Variants in ABCC12 observed in about 807,000 individuals in gnomAD.
The protein encoded by ABCC12 is ATP binding cassette subfamily C member 12, also known as ATP-binding cassette sub-family C member 12.
In ABCC12, 142 loss-of-function variants were observed where a neutral mutation model predicts 151.1. The ratio of observed to expected loss-of-function variants is 0.94; its 90% CI spans 0.82 to 1.08. The LOEUF (loss-of-function observed/expected upper bound fraction) is 1.08. Among genes scored for constraint, ABCC12 ranks in the 50% least tolerant of loss-of-function variants. The probability of loss-of-function intolerance (pLI) is 0.00; values close to 1 mark genes in which losing one functional copy is unlikely to be tolerated. For missense variants in ABCC12, 1,638 were observed against 1,691.1 expected (o/e 0.97, Z 0.55); for synonymous variants, 645 against 646.4 (o/e 1.00, Z 0.03).
chr16:48,137,566 G>A (rs1964652683), intron 8 of ABCC12, among the ~76,000 whole-genome samples: 2 of 152,180 alleles, frequency 1.3e-5, no homozygotes, highest in Non-Finnish European at 2.9e-5. Flanking sequence ...CTAGAGGGCA[G>A]ATACACAGCT....
intron 18 of ABCC12, among the ~76,000 whole-genome samples, chr16:48,110,351 T>TA (rs568494242): frequency 1.4e-4 from 21 of 152,170 alleles, no homozygotes; most frequent in Non-Finnish European, 2.8e-4. Context: ...AAAATGGTGG[T>TA]AGCCTTTAAA....
chr16:48,094,717 C>G (rs1963031439), intron 24 of ABCC12, among the ~76,000 whole-genome samples: 1 of 152,154 alleles, frequency 6.6e-6, no homozygotes, highest in African/African-American at 2.4e-5. Flanking sequence ...TCTGAATAGT[C>G]CCCTGCATAA....
chr16:48,088,430 A>G, intron 26 of ABCC12, 115 bp downstream of exon 26: 1 of 1,233,114 alleles, frequency 8.1e-7, no homozygotes, highest in African/African-American at 1.5e-5. Flanking sequence ...TTTGAGGGAA[A>G]TAACAGCCAA....
intron 8 of ABCC12, among the ~76,000 whole-genome samples, chr16:48,137,775 A>G (rs945587001): frequency 5.9e-5 from 9 of 152,240 alleles, no homozygotes; most frequent in Non-Finnish European, 8.8e-5. Context: ...CTACATATGC[A>G]TCTCCTCGTG....
chr16:48,138,169 C>T, intron 8 of ABCC12, 59 bp downstream of exon 8: 6 of 1,536,668 alleles, frequency 3.9e-6, no homozygotes. Flanking sequence ...CGTAAGAACC[C>T]CTTAGAAGAG....
chr16:48,140,995 C>T, intron 5 of ABCC12, 75 bp from the exon 6 acceptor site: 1 of 1,467,930 alleles, frequency 6.8e-7, no homozygotes, highest in African/African-American at 1.4e-5. Flanking sequence ...CAGATCATGC[C>T]AGCAAGCTGA....
intron 25 of ABCC12, among the ~76,000 whole-genome samples, chr16:48,089,982 CATT>C (rs1387136980): frequency 4.6e-5 from 7 of 151,264 alleles, no homozygotes; most frequent in African/African-American, 9.9e-5. Context: ...TAAATCAGAT[CATT>C]GAGGTACTTA....
At chr16:48,086,677 G>T in intron 28 of ABCC12, 64 bp downstream of exon 28, 2 of 1,434,766 alleles carry the variant, frequency 1.4e-6, no homozygotes, top group Non-Finnish European at 2.0e-6. Flanking sequence ...TTTAAACATA[G>T]GCCAGGAATC....
At chr16:48,119,259 G>A (rs1375509280) in intron 13 of ABCC12, among the ~76,000 whole-genome samples, 2 of 152,324 alleles carry the variant, frequency 1.3e-5, no homozygotes, top group East Asian at 3.9e-4. Flanking sequence ...TCCGAGCACG[G>A]TCTACTGCCA....
In ABCC12 at chr16:48,083,476, T is replaced by G; in HGVS notation, c.*239A>C. On this transcript the variant is annotated 3_prime_UTR_variant, in exon 31 of 31. Transcript: ENST00000311303. ...GGGGATTTGGGAGGTGAAGGGCAGT[T>G]TTTTAATCCATTAGCTGGGTCTGCC... 2.1e-6 allele frequency: 1 copy of G among 473,530 alleles called. No individual in the cohort carries two copies. The highest frequency in any genetic ancestry group is 3.7e-6 in the Non-Finnish European group (1 of 272,538). 29.3% of individuals were successfully genotyped at this position (473,530 alleles called of 1,614,324 possible).
intron 24 of ABCC12, among the ~76,000 whole-genome samples, chr16:48,092,301 T>C (rs1217328888): frequency 6.6e-6 from 1 of 152,200 alleles, no homozygotes; most frequent in African/African-American, 2.4e-5. Context: ...AGGCCACCCA[T>C]ACCAGGTGTG....
rs1963914109 is a variant in ABCC12, at chr16:48,117,266, T to C, written c.1780A>G (p.Thr594Ala). ...GCGCTCCCAGCCCCGCTCACCTCAG[T>C]CAGGTCTCCATAGGGGAGGTTGCTC... ...DLSNLPYGDL[T>A]EIGERGLNLS... is the part of the protein sequence containing the mutation. Residue 594 changes from threonine (T) to alanine (A), a missense_variant, in exon 14 of 31, where the codon ACT becomes GCT. Physicochemically the swap from Thr to Ala is moderately conservative, Grantham distance 58. Transcript: ENST00000311303. 6.2e-7 allele frequency: 1 copy of C among 1,613,316 alleles called. No individual in the cohort carries two copies. Among genetic ancestry groups the C allele is most frequent in the Admixed American group, 1.7e-5 (1 of 59,924 alleles).
Position 48,088,037 on chromosome 16 carries a change from C to A in ABCC12, c.3524G>T (p.Ser1175Ile), listed in dbSNP as rs925294963. The A allele has an allele frequency of 6.8e-6, 11 of 1,614,098 alleles. No individual in the cohort carries two copies. The highest frequency in any genetic ancestry group is 1.3e-5 in the African/African-American group (1 of 74,942). ...MALFRLVEPA[S>I]GTIFIDEVDI... ...CACCTCATCAATAAAGATTGTGCCA[C>A]TGGCTGGCTCCACCAGACGAAACAA... The change falls in exon 27 of 31, where the codon AGT becomes ATT. Residue 1175 changes from serine to isoleucine, a missense_variant. Ser to Ile is a moderately radical substitution (Grantham distance 142). Transcript: ENST00000311303.
chr16:48,144,422 T>G (rs1253300357), intron 3 of ABCC12, among the ~76,000 whole-genome samples: 1 of 152,110 alleles, frequency 6.6e-6, no homozygotes, highest in Admixed American at 6.6e-5. Context: ...TTCCTTCTTT[T>G]TTCCCCTCCC....
chr16:48,111,887 A>T lies in ABCC12; in HGVS notation c.2013T>A (p.Val671=). The change falls in exon 16 of 31, where the codon GTT becomes GTA. Residue 671 remains valine, a synonymous_variant. Transcript: ENST00000311303. ...QLQFLESCDE[V]ILLEDGEICE... is the part of the protein sequence containing the mutation. ...AAATCTCTCCATCTTCTAATAAAAT[A>T]ACTTCATCACAAGACTCTAAGAACT... 6.2e-7 allele frequency: 1 copy of T among 1,614,170 alleles called. No homozygotes were observed. The highest frequency in any genetic ancestry group is 8.5e-7 in the Non-Finnish European group (1 of 1,180,018).
chr16:48,110,213 C>G (rs1202762273), intron 18 of ABCC12, among the ~76,000 whole-genome samples: 1 of 152,146 alleles, frequency 6.6e-6, no homozygotes, highest in Non-Finnish European at 1.5e-5. Context: ...TGCCAGATCT[C>G]ATCGATTCGA....
chr16:48,088,624 G>A lies in ABCC12; in HGVS notation c.3396C>T (p.Asn1132=), dbSNP rs377126926. Residue 1132 remains asparagine, a synonymous_variant, in exon 26 of 31, where the codon AAC becomes AAT. Coordinates refer to ENST00000311303, the MANE Select transcript of ABCC12 (RefSeq NM_001393797.1). ...TCAGGCTGTCGAGAACAAGGGGGGT[G>A]TTGTCTCTGTATCTCATCTGATAGT... ...FRDYQMRYRD[N]TPLVLDSLNL... The A allele has an allele frequency of 1.2e-6, 2 of 1,614,224 alleles. No homozygotes were observed. The highest frequency in any genetic ancestry group is 1.7e-6 in the Non-Finnish European group (2 of 1,180,034).
At chr16:48,111,378 C>A in intron 18 of ABCC12, 58 bp downstream of exon 18, 1 of 1,571,448 alleles carries the variant, frequency 6.4e-7, no homozygotes, top group Non-Finnish European at 8.8e-7. Flanking sequence ...GTATCCCAAA[C>A]GGTAGATGCC....
intron 13 of ABCC12, among the ~76,000 whole-genome samples, chr16:48,118,516 T>A (rs1284917052): frequency 1.3e-5 from 2 of 152,244 alleles, no homozygotes; most frequent in Non-Finnish European, 2.9e-5. Context: ...AGTGGCTGAT[T>A]GGTTGGTTGA....
Sources: allele counts gnomAD v4.1 joint callset (sites outside exome capture counted in the v4.1 genomes callset), GRCh38; gene constraint gnomAD v4.1.1; transcripts MANE v1.5; gene names NCBI Gene and HGNC (gene_info 2026-07-23, HGNC 2026-07-21).